The following MYO18A variants were observed in gnomAD, a reference collection of about 807,000 sequenced individuals.
The protein encoded by MYO18A is unconventional myosin-XVIIIa.
A neutral mutation model predicts 235.8 loss-of-function variants in MYO18A; 78 were observed. That is an observed-to-expected ratio of 0.33 (90% CI 0.28 to 0.40). MYO18A has a LOEUF of 0.40. Among genes scored for constraint, MYO18A ranks in the 10% least tolerant of loss-of-function variants. The pLI, the probability that MYO18A is intolerant of heterozygous loss-of-function variation, is 1.00. For synonymous variants in MYO18A, 977 were observed against 1,077.8 expected (o/e 0.91, Z 1.83); for missense variants, 2,215 against 2,699.3 (o/e 0.82, Z 3.98).
At position 29,126,288 on chromosome 17, in the gene MYO18A, T is replaced by C. The variant is rs1484558045; in HGVS notation, c.1000-4035A>G. 7.0e-6 allele frequency among the ~76,000 whole-genome samples: 1 copy of C among 143,138 alleles called. No individual in the cohort carries two copies. The highest frequency in any genetic ancestry group is 1.5e-5 in the Non-Finnish European group (1 of 65,032). 93.9% of individuals were successfully genotyped at this position (143,138 alleles called of 152,430 possible). ...AGGGCATGTCTCAGCTCCCATCTCC[T>C]CCCTTGTGAGAGGAGGAGGGACGGG... On this transcript the variant is annotated intron_variant, in intron 2 of 41. Transcript: ENST00000527372. This position sits in a 1 kb window ranked among gnomAD's most constrained non-coding sequence, Gnocchi z 4.1.
chr17:29,080,648 TG>T, intron 41 of MYO18A: 1 of 985,572 alleles, frequency 1.0e-6, no homozygotes, highest in Non-Finnish European at 1.2e-6. Flanking sequence ...CCCCGCCGCG[TG>T]GCCGAGGAGG....
At chr17:29,161,949 C>T (rs1405186133) in intron 2 of MYO18A, among the ~76,000 whole-genome samples, 1 of 152,178 alleles carries the variant, frequency 6.6e-6, no homozygotes, top group East Asian at 1.9e-4. Context: ...AATACAGATG[C>T]CCCCCAAGAA....
Position 29,121,914 on chromosome 17 carries a change from C to T in MYO18A, c.1131G>A (p.Lys377=). 1.9e-6 allele frequency: 3 copies of T among 1,613,926 alleles called. No individual in the cohort carries two copies. Among genetic ancestry groups the T allele is most frequent in the South Asian group, 1.1e-5 (1 of 91,082 alleles). Residue 377 remains lysine, a synonymous_variant, in exon 4 of 42, where the codon AAG becomes AAA. Transcript: ENST00000527372. This position sits in a 1 kb window ranked among gnomAD's most constrained non-coding sequence, Gnocchi z 4.2. Reference sequence around the variant, plus strand: ...CATCGTGGTCCAGCTTCACACGCACCTTCCCCTCAGGCAAGTTGAGCTCCT... The same window carrying T: ...CATCGTGGTCCAGCTTCACACGCACTTTCCCCTCAGGCAAGTTGAGCTCCT... ...KSEELNLPEG[K]VRVKLDHDGA...
At chr17:29,122,294 A>C (rs1458525396) in intron 2 of MYO18A, 41 bp from the exon 3 acceptor site, 1 of 1,564,372 alleles carries the variant, frequency 6.4e-7, no homozygotes. Context: ...CTGCTATGGA[A>C]GACAGGGACA....
At chr17:29,083,531 C>CACACACACACACACACACACACAT (rs2066173903) in intron 40 of MYO18A, among the ~76,000 whole-genome samples, 2 of 79,464 alleles carry the variant, frequency 2.5e-5, no homozygotes, top group East Asian at 2.6e-3. Flanking sequence ...TGCGCGCGCG[C>CACACACACACACACACACACACAT]GCACACACAC....
intron 23 of MYO18A, 133 bp downstream of exon 23, chr17:29,098,693 C>T (rs2066582342): frequency 7.7e-7 from 1 of 1,290,440 alleles, no homozygotes; most frequent in African/African-American, 1.5e-5. Context: ...CCCAGAGGGA[C>T]ATCTTCTATT....
At chr17:29,100,399 C>T (rs543927204) in intron 21 of MYO18A, among the ~76,000 whole-genome samples, 1 of 152,362 alleles carries the variant, frequency 6.6e-6, no homozygotes, top group African/African-American at 2.4e-5. Flanking sequence ...CCCCCCAACA[C>T]ACACCCAAGT....
chr17:29,179,256 C>A (rs923114913), intron 1 of MYO18A, among the ~76,000 whole-genome samples: 1 of 152,126 alleles, frequency 6.6e-6, no homozygotes, highest in African/African-American at 2.4e-5. Context: ...TGTCTTCCTC[C>A]CCATCTCCCC....
intron 2 of MYO18A, among the ~76,000 whole-genome samples, chr17:29,141,485 A>T (rs1052689442): frequency 3.9e-5 from 6 of 152,144 alleles, no homozygotes; most frequent in African/African-American, 1.4e-4. Flanking sequence ...CCTGATACAG[A>T]ACCGCCTCCT....
intron 10 of MYO18A, 124 bp from the exon 11 acceptor site, chr17:29,116,579 A>G: frequency 1.0e-6 from 1 of 979,892 alleles, no homozygotes. Context: ...TGAGTAGGCA[A>G]GAAAACACAA....
chr17:29,071,907 G>A lies in MYO18A; in HGVS notation c.*2863C>T, dbSNP rs2065888032. 6.6e-6 allele frequency: 1 copy of A among 152,186 alleles called. No homozygotes were observed. Among genetic ancestry groups the A allele is most frequent in the South Asian group, 2.1e-4 (1 of 4,830 alleles). The allele number at this position is 152,186 out of a possible 1,614,324, so 9.4% of individuals were successfully genotyped here. A position where few individuals can be genotyped will look rare whatever the true frequency, so the allele number is the denominator to read the frequency against. On this transcript the variant is annotated 3_prime_UTR_variant, in exon 42 of 42. Transcript: ENST00000527372. ...GGACCTTATCCATCACCAGCACCCA[G>A]AATGGGGCCTAGGCACAGCAGGCAG...
At chr17:29,100,497 G>A (rs2066627766) in intron 21 of MYO18A, among the ~76,000 whole-genome samples, 1 of 152,242 alleles carries the variant, frequency 6.6e-6, no homozygotes, top group Non-Finnish European at 1.5e-5. Context: ...CTGGAGGGCA[G>A]GCATGTGCAG....
At position 29,118,515 on chromosome 17, in the gene MYO18A, G is replaced by A. The variant is rs2067126724; in HGVS notation, c.1830-75C>T. 2 of 1,355,648 alleles carry A rather than the reference G, an allele frequency of 1.5e-6. No individual in the cohort carries two copies. Among genetic ancestry groups the A allele is most frequent in the Non-Finnish European group, 2.1e-6 (2 of 971,360 alleles). The allele number at this position is 1,355,648 out of a possible 1,614,324, so 84.0% of individuals were successfully genotyped here. ...GCCATTTCCGCCCAGGGTGGAGACA[G>A]ACAGACTCAGCTTCCAGACTCCAAG... On this transcript the variant is annotated intron_variant, in intron 8 of 41. Coordinates refer to ENST00000527372, the MANE Select transcript of MYO18A (RefSeq NM_078471.4). The surrounding 1 kb of genome is among the most constrained non-coding windows in gnomAD (Gnocchi z 4.2).
At chr17:29,105,171 CAAA>C (rs58344909) in intron 20 of MYO18A, among the ~76,000 whole-genome samples, 2 of 35,804 alleles carry the variant, frequency 5.6e-5, no homozygotes, top group Non-Finnish European at 1.2e-4. Context: ...GACTCTGTCT[CAAA>C]AAAAAAAAAA....
At position 29,086,918 on chromosome 17, in the gene MYO18A, G is replaced by T; in HGVS notation, c.5712+18C>A. The T allele has an allele frequency of 6.2e-7, 1 of 1,604,936 alleles. No individual in the cohort carries two copies. The highest frequency in any genetic ancestry group is 8.5e-7 in the Non-Finnish European group (1 of 1,175,220). On this transcript the variant is annotated intron_variant, in intron 38 of 41. Coordinates refer to ENST00000527372, the MANE Select transcript of MYO18A (RefSeq NM_078471.4). ...AAGGGGCTGCCATGTGGGCCCCGTG[G>T]GGGACAGGGGGCATTACCAGTTCGT...
rs2068283668 is a variant in MYO18A, at chr17:29,166,332, G to T, written c.609C>A (p.Val203=). Residue 203 remains valine (V), a synonymous_variant, in exon 2 of 42, where the codon GTC becomes GTA. Coordinates refer to ENST00000527372, the MANE Select transcript of MYO18A (RefSeq NM_078471.4). ...GCACCACGGGGGGCAGGCGCAGGTC[G>T]ACTGGGAACTTTTTAGTCACTAGCT... ...APELVTKKFP[V]DLRLPPVVPL... The T allele has an allele frequency of 6.2e-7, 1 of 1,612,590 alleles. No individual in the cohort carries two copies. The highest frequency in any genetic ancestry group is 1.1e-5 in the South Asian group (1 of 91,064).
intron 19 of MYO18A, 118 bp from the exon 20 acceptor site, chr17:29,107,307 G>T (rs2066812477): frequency 3.2e-6 from 3 of 924,506 alleles, no homozygotes; most frequent in East Asian, 5.1e-5. Context: ...ACTGCAGGGG[G>T]TGGGGAGCCT....
chr17:29,080,151 G>T (rs1024024629), intron 41 of MYO18A: 1 of 985,908 alleles, frequency 1.0e-6, no homozygotes, highest in East Asian at 1.1e-4. Flanking sequence ...GCTCCGGGGG[G>T]TCCAGTTGGG....
rs547187287 is a variant in MYO18A at position 29,126,352 on chromosome 17, C to A, written c.1000-4099G>T. ...GAGGAGGGAGGGGAGGGCAGCCGCC[C>A]GGGAACAGGACCACGACACTCCCCA... On this transcript the variant is annotated intron_variant, in intron 2 of 41. Transcript: ENST00000527372. The surrounding 1 kb of genome is among the most constrained non-coding windows in gnomAD (Gnocchi z 4.1). Among the ~76,000 whole-genome samples the A allele has an allele frequency of 2.0e-5, 3 of 151,752 alleles. No homozygotes were observed. Among genetic ancestry groups the A allele is most frequent in the Non-Finnish European group, 4.4e-5 (3 of 67,950 alleles).
Sources: allele counts gnomAD v4.1 joint callset (sites outside exome capture counted in the v4.1 genomes callset), GRCh38; gene constraint gnomAD v4.1.1; non-coding constraint Gnocchi (gnomAD v3.1); transcripts MANE v1.5; gene names NCBI Gene and HGNC (gene_info 2026-07-23, HGNC 2026-07-21).